Variants in BMPER observed in about 807,000 individuals in gnomAD.
BMPER encodes the protein BMP-binding endothelial regulator protein.
BMPER carries 45 observed loss-of-function variants against 87.3 expected under a neutral mutation model. The observed-to-expected ratio is 0.52, with a 90% CI of 0.41 to 0.66. The LOEUF is 0.66. Ranked by LOEUF, BMPER falls within the 30% of genes least tolerant of loss-of-function variation. The pLI, the probability that BMPER is intolerant of heterozygous loss-of-function variation, is 0.00. For missense variants in BMPER, 784 were observed against 867.5 expected (o/e 0.90, Z 1.21); for synonymous variants, 326 against 316.2 (o/e 1.03, Z -0.33).
chr7:34,151,083 A>G lies in BMPER; in HGVS notation c.1877-2009A>G, dbSNP rs374779552. Among the ~76,000 whole-genome samples the G allele has an allele frequency of 1.6e-4, 24 of 152,300 alleles. 2 individuals carry two copies. Among genetic ancestry groups the G allele is most frequent in the Admixed American group, 9.2e-4 (14 of 15,296 alleles). On this transcript the variant is annotated intron_variant, in intron 14 of 14. Coordinates refer to ENST00000649409, the MANE Select transcript of BMPER (RefSeq NM_001365308.1). The stretch of plus-strand genomic sequence containing the variant: ...ATTCACCAAGCTAGATAATGGCACC[A>G]GATCAAGGCACTGGAGTCCACCATG...
intron 3 of BMPER, among the ~76,000 whole-genome samples, chr7:33,944,197 G>T (rs951292066): frequency 1.3e-5 from 2 of 151,616 alleles, no homozygotes; most frequent in Admixed American, 1.3e-4. Flanking sequence ...GACAGGTCTC[G>T]CTCTGTCGCC....
chr7:34,146,052 CAT>C (rs541129598), intron 14 of BMPER, among the ~76,000 whole-genome samples: 8 of 152,040 alleles, frequency 5.3e-5, no homozygotes, highest in South Asian at 2.1e-4. Flanking sequence ...CACACACACA[CAT>C]ACACACACGC....
chr7:34,090,690 G>C (rs1585823147), intron 13 of BMPER, among the ~76,000 whole-genome samples: 1 of 152,180 alleles, frequency 6.6e-6, no homozygotes, highest in African/African-American at 2.4e-5. Flanking sequence ...TCACATCTTG[G>C]AAGAAATTGT....
intron 13 of BMPER, among the ~76,000 whole-genome samples, chr7:34,094,057 G>C (rs139495148): frequency 1.3e-3 from 205 of 152,226 alleles, no homozygotes; most frequent in Non-Finnish European, 2.1e-3. Flanking sequence ...ACCTGGTCTG[G>C]GGGCTCCATC....
chr7:33,981,874 T>A (rs879040480), intron 6 of BMPER, among the ~76,000 whole-genome samples: 1 of 152,190 alleles, frequency 6.6e-6, no homozygotes, highest in Admixed American at 6.5e-5. Flanking sequence ...TCCCTGAGAA[T>A]GTCTTGTTTG....
Position 34,055,556 on chromosome 7 carries a change from T to C in BMPER, c.927+253T>C, listed in dbSNP as rs111801439. On this transcript the variant is annotated intron_variant, in intron 9 of 14. Transcript: ENST00000649409. ...TCTTGACTATATTTTTGCTGAAATA[T>C]GTTAAGCCTGTAAAACCTGCCTGAA... 1.0e-2 allele frequency among the ~76,000 whole-genome samples: 1,520 copies of C among 152,324 alleles called. 30 individuals are homozygous for C. Among genetic ancestry groups the C allele is most frequent in the African/African-American group, 0.035 (1,458 of 41,564 alleles).
chr7:33,966,832 C>T (rs1369991039), intron 4 of BMPER, among the ~76,000 whole-genome samples: 1 of 152,190 alleles, frequency 6.6e-6, no homozygotes, highest in East Asian at 1.9e-4. Flanking sequence ...GGAAGATGCA[C>T]ATGTCCTTGG....
intron 13 of BMPER, among the ~76,000 whole-genome samples, chr7:34,133,389 AAGGTGGTGTGCCTGGGTTCT>A (rs1418601579): frequency 9.3e-5 from 14 of 150,702 alleles, no homozygotes; most frequent in African/African-American, 3.2e-4. Flanking sequence ...GGGGTTCTGG[AAGGTGGTGTGCCTGGGTTCT>A]GGAAGGTGGT....
intron 9 of BMPER, among the ~76,000 whole-genome samples, chr7:34,057,477 T>C (rs1215306865): frequency 1.3e-5 from 2 of 152,164 alleles, no homozygotes; most frequent in Admixed American, 6.5e-5. Flanking sequence ...CCATGGCACT[T>C]GGAGTCTTCT....
intron 13 of BMPER, among the ~76,000 whole-genome samples, chr7:34,137,599 C>T (rs2127993162): frequency 6.6e-6 from 1 of 152,260 alleles, no homozygotes; most frequent in East Asian, 1.9e-4. Context: ...GACATGGGAC[C>T]CTATAGGGAG....
intron 4 of BMPER, 85 bp downstream of exon 4, chr7:33,966,646 C>A (rs1210250403): frequency 1.5e-6 from 2 of 1,351,120 alleles, no homozygotes; most frequent in Non-Finnish European, 1.1e-6. Flanking sequence ...TAGAACAAAA[C>A]CCTAAAAAGG....
chr7:34,137,312 C>T (rs570976110), intron 13 of BMPER, among the ~76,000 whole-genome samples: 2 of 152,362 alleles, frequency 1.3e-5, no homozygotes, highest in African/African-American at 2.4e-5. Flanking sequence ...CAACAGCTCC[C>T]GTGGCCTTGG....
intron 11 of BMPER, among the ~76,000 whole-genome samples, chr7:34,067,840 G>A (rs1788633735): frequency 6.6e-6 from 1 of 152,184 alleles, no homozygotes; most frequent in Non-Finnish European, 1.5e-5. Context: ...TTTATATGCT[G>A]TTCTGCTCTA....
intron 6 of BMPER, among the ~76,000 whole-genome samples, chr7:34,000,469 G>C (rs1176501634): frequency 6.6e-6 from 1 of 151,910 alleles, no homozygotes; most frequent in Non-Finnish European, 1.5e-5. Context: ...TTATGTTGTG[G>C]TTATAAAAGA....
intron 5 of BMPER, among the ~76,000 whole-genome samples, chr7:33,970,790 G>T (rs1036698666): frequency 6.6e-6 from 1 of 152,192 alleles, no homozygotes; most frequent in Non-Finnish European, 1.5e-5. Flanking sequence ...GAGGTGACCA[G>T]ATGTTTTCTG....
In BMPER at chr7:33,905,594, G is replaced by C; in HGVS notation, c.-20G>C. 6.2e-7 allele frequency: 1 copy of C among 1,610,768 alleles called. No homozygotes were observed. The highest frequency in any genetic ancestry group is 8.5e-7 in the Non-Finnish European group (1 of 1,179,784). On this transcript the variant is annotated 5_prime_UTR_variant, in exon 1 of 15. Coordinates refer to ENST00000649409, the MANE Select transcript of BMPER (RefSeq NM_001365308.1). ...GGCGGCGCGGGACCTGCAGTCGCCAGGGATTCCCTCCAGGTGACGATGCTC... is the reference window on the plus strand; with the variant it reads ...GGCGGCGCGGGACCTGCAGTCGCCACGGATTCCCTCCAGGTGACGATGCTC...
intron 6 of BMPER, among the ~76,000 whole-genome samples, chr7:34,000,262 T>A (rs756612225): frequency 4.6e-5 from 7 of 152,170 alleles, no homozygotes; most frequent in Non-Finnish European, 7.3e-5. Flanking sequence ...GTGCAACCAT[T>A]CATTCATTTA....
At chr7:34,112,796 C>G (rs572183030) in intron 13 of BMPER, among the ~76,000 whole-genome samples, 1 of 151,088 alleles carries the variant, frequency 6.6e-6, no homozygotes, top group Non-Finnish European at 1.5e-5. Flanking sequence ...TATTGTGCAC[C>G]GAAGTTTTCA....
At chr7:33,920,594 T>A (rs1383493767) in intron 2 of BMPER, among the ~76,000 whole-genome samples, 1 of 151,686 alleles carries the variant, frequency 6.6e-6, no homozygotes, top group Non-Finnish European at 1.5e-5. Context: ...CCTGGCTAAT[T>A]TTTGTATTTT....
Sources: allele counts gnomAD v4.1 joint callset (sites outside exome capture counted in the v4.1 genomes callset), GRCh38; gene constraint gnomAD v4.1.1; transcripts MANE v1.5; gene names NCBI Gene and HGNC (gene_info 2026-07-23, HGNC 2026-07-21).